CSRNP3: variants seen among roughly 807,000 people sequenced by gnomAD.
CSRNP3 encodes the protein cysteine/serine-rich nuclear protein 3.
A neutral mutation model predicts 48.0 loss-of-function variants in CSRNP3; 12 were observed. The observed-to-expected ratio is 0.25, with a 90% CI of 0.16 to 0.41. The LOEUF is 0.41. Among genes scored for constraint, CSRNP3 ranks in the 10% least tolerant of loss-of-function variants. The pLI is 1.00. For missense variants in CSRNP3, 580 were observed against 724.4 expected (o/e 0.80, Z 2.29); for synonymous variants, 263 against 269.7 (o/e 0.98, Z 0.24).
At chr2:165,610,931 A>G (rs1686126124) in intron 4 of CSRNP3, among the ~76,000 whole-genome samples, 1 of 152,186 alleles carries the variant, frequency 6.6e-6, no homozygotes, top group African/African-American at 2.4e-5. Context: ...GAAGTCTGTT[A>G]GAGTCATTCC....
In CSRNP3 at chr2:165,689,029, T is replaced by G. The variant is rs1396722202; in HGVS notation, c.*9276T>G. The G allele has an allele frequency of 6.6e-6, 1 of 152,116 alleles. No individual in the cohort carries two copies. Among genetic ancestry groups the G allele is most frequent in the Non-Finnish European group, 1.5e-5 (1 of 68,012 alleles). The allele number at this position is 152,116 out of a possible 1,614,324, so 9.4% of individuals were successfully genotyped here. ...GTCATGTTACATTAAGATGTCATGT[T>G]GTATGTCACACAGTTTCTAGATTGA... On this transcript the variant is annotated 3_prime_UTR_variant, in exon 7 of 7. Transcript: ENST00000651982.
At chr2:165,481,114 CA>C (rs1684037105) in intron 1 of CSRNP3, among the ~76,000 whole-genome samples, 1 of 151,844 alleles carries the variant, frequency 6.6e-6, no homozygotes, top group Non-Finnish European at 1.5e-5. Flanking sequence ...CCTAGTTATT[CA>C]ATGAAATACA....
chr2:165,495,317 T>A (rs1004755272), intron 2 of CSRNP3, among the ~76,000 whole-genome samples: 2 of 152,076 alleles, frequency 1.3e-5, no homozygotes, highest in African/African-American at 4.8e-5. Context: ...ACTTCCTAGA[T>A]GAGAAAATGA....
At chr2:165,537,693 TTTC>T (rs2105249393) in intron 3 of CSRNP3, among the ~76,000 whole-genome samples, 1 of 151,974 alleles carries the variant, frequency 6.6e-6, no homozygotes, top group Non-Finnish European at 1.5e-5. Flanking sequence ...CACTCCAAAC[TTTC>T]TTTTCTGTAA....
intron 1 of CSRNP3, among the ~76,000 whole-genome samples, chr2:165,478,729 C>T (rs1684001694): frequency 6.6e-6 from 1 of 152,170 alleles, no homozygotes; most frequent in African/African-American, 2.4e-5. Context: ...CCTTAAAGAG[C>T]ACAGTCTACG....
At chr2:165,551,554 C>A (rs1195025834) in intron 3 of CSRNP3, among the ~76,000 whole-genome samples, 1 of 152,184 alleles carries the variant, frequency 6.6e-6, no homozygotes, top group Non-Finnish European at 1.5e-5. Flanking sequence ...GTTTCAAAAG[C>A]CCCTGCAGAT....
At chr2:165,623,993 G>A (rs138549628) in intron 4 of CSRNP3, among the ~76,000 whole-genome samples, 1 of 152,006 alleles carries the variant, frequency 6.6e-6, no homozygotes, top group Admixed American at 6.6e-5. Context: ...TTTTCCATTC[G>A]TCTTTGAAGT....
chr2:165,649,846 A>G (rs1306177377), intron 4 of CSRNP3, among the ~76,000 whole-genome samples: 2 of 152,162 alleles, frequency 1.3e-5, no homozygotes, highest in Non-Finnish European at 2.9e-5. Flanking sequence ...CCTGTGTTTC[A>G]GTTCTGATTA....
At chr2:165,501,433 C>G (rs1378410371) in intron 2 of CSRNP3, among the ~76,000 whole-genome samples, 1 of 152,112 alleles carries the variant, frequency 6.6e-6, no homozygotes, top group Non-Finnish European at 1.5e-5. Context: ...AGTAGCTCTT[C>G]TGTAGTAGCT....
At chr2:165,628,585 G>T (rs532539604) in intron 4 of CSRNP3, among the ~76,000 whole-genome samples, 1 of 151,982 alleles carries the variant, frequency 6.6e-6, no homozygotes, top group Non-Finnish European at 1.5e-5. Context: ...TTAGCTGGGC[G>T]TGGTGGTGGG....
At chr2:165,630,483 C>T (rs932611491) in intron 4 of CSRNP3, among the ~76,000 whole-genome samples, 18 of 152,168 alleles carry the variant, frequency 1.2e-4, no homozygotes, top group African/African-American at 3.9e-4. Flanking sequence ...CCGACTTCCC[C>T]ATGGCATTAA....
intron 5 of CSRNP3, among the ~76,000 whole-genome samples, chr2:165,666,899 A>AG (rs1687226455): frequency 9.6e-6 from 1 of 104,034 alleles, no homozygotes; most frequent in Non-Finnish European, 2.1e-5. Flanking sequence ...AAGAGAGAGA[A>AG]AAAGGAAGGG....
chr2:165,510,535 A>G (rs971839102), intron 2 of CSRNP3, among the ~76,000 whole-genome samples: 2 of 152,046 alleles, frequency 1.3e-5, no homozygotes, highest in Admixed American at 6.6e-5. Flanking sequence ...TGGTATTTAC[A>G]CAATGTTTCA....
At chr2:165,505,686 G>A (rs948492383) in intron 2 of CSRNP3, among the ~76,000 whole-genome samples, 3 of 152,122 alleles carry the variant, frequency 2.0e-5, no homozygotes, top group East Asian at 1.9e-4. Context: ...TCTAACTTCC[G>A]GAGGTTTTTT....
intron 4 of CSRNP3, among the ~76,000 whole-genome samples, chr2:165,657,469 C>T (rs927558896): frequency 6.6e-6 from 1 of 152,084 alleles, no homozygotes; most frequent in African/African-American, 2.4e-5. Context: ...TAAATACTGC[C>T]ACAGATTCAC....
intron 4 of CSRNP3, among the ~76,000 whole-genome samples, chr2:165,605,655 G>A (rs1480287667): frequency 1.3e-5 from 2 of 151,994 alleles, no homozygotes; most frequent in Non-Finnish European, 2.9e-5. Flanking sequence ...CTGTGCTACA[G>A]CCTGGATGAC....
At chr2:165,508,634 T>G (rs1684459859) in intron 2 of CSRNP3, among the ~76,000 whole-genome samples, 1 of 152,130 alleles carries the variant, frequency 6.6e-6, no homozygotes, top group Non-Finnish European at 1.5e-5. Context: ...TAAGAGGAAT[T>G]TTTAGTCAAA....
chr2:165,670,540 C>T (rs929377578), intron 5 of CSRNP3, among the ~76,000 whole-genome samples: 2 of 152,182 alleles, frequency 1.3e-5, no homozygotes, highest in African/African-American at 4.8e-5. Context: ...TGATGCACAT[C>T]CTCATTACTT....
chr2:165,661,668 G>T (rs185105384), intron 5 of CSRNP3, among the ~76,000 whole-genome samples: 1 of 152,330 alleles, frequency 6.6e-6, no homozygotes, highest in African/African-American at 2.4e-5. Flanking sequence ...TGGGGCAGCA[G>T]AAGGGTCATT....
Sources: gnomAD v4.1 joint callset for allele counts (sites outside exome capture counted in the v4.1 genomes callset) on GRCh38, gnomAD v4.1.1 for gene constraint, MANE v1.5 for transcripts, NCBI Gene and HGNC (gene_info 2026-07-23, HGNC 2026-07-21) for gene names.